Variants in GRIA4 observed in about 807,000 individuals in gnomAD.
GRIA4 encodes glutamate ionotropic receptor AMPA type subunit 4.
Under a neutral mutation model 104.0 loss-of-function variants are expected in GRIA4, and 34 were observed. That is an observed-to-expected ratio of 0.33 (90% CI 0.25 to 0.44). The LOEUF (loss-of-function observed/expected upper bound fraction) is 0.44, where lower values mean the gene tolerates loss of function less well. GRIA4 is among the 20% of genes least tolerant of loss of function. The pLI, the probability that GRIA4 is intolerant of heterozygous loss-of-function variation, is 1.00. For missense variants in GRIA4, 750 were observed against 1,096.5 expected (o/e 0.68, Z 4.46); for synonymous variants, 386 against 381.9 (o/e 1.01, Z -0.13).
At chr11:105,850,414 A>G (rs1384249456) in intron 4 of GRIA4, among the ~76,000 whole-genome samples, 1 of 152,208 alleles carries the variant, frequency 6.6e-6, no homozygotes, top group Non-Finnish European at 1.5e-5. Context: ...AAATAGTCCT[A>G]TGGGGTTTTG....
intron 3 of GRIA4, among the ~76,000 whole-genome samples, chr11:105,749,265 C>T (rs527723892): frequency 5.3e-5 from 8 of 152,184 alleles, no homozygotes; most frequent in Non-Finnish European, 8.8e-5. Flanking sequence ...CTGGAAAATG[C>T]GGAAGCCAGG....
chr11:105,887,442 T>C, intron 5 of GRIA4, 77 bp from the exon 6 acceptor site: 1 of 666,364 alleles, frequency 1.5e-6, no homozygotes, highest in Non-Finnish European at 2.6e-6. Context: ...GGAATTATGC[T>C]AAAATAGATA....
intron 13 of GRIA4, 27 bp from the exon 14 acceptor site, chr11:105,933,695 A>G: frequency 6.7e-7 from 1 of 1,488,528 alleles, no homozygotes; most frequent in African/African-American, 1.4e-5. Context: ...TCTTTCCTGT[A>G]TTTAATTTTA....
intron 4 of GRIA4, among the ~76,000 whole-genome samples, chr11:105,860,719 G>C (rs561828280): frequency 6.6e-6 from 1 of 152,202 alleles, no homozygotes; most frequent in South Asian, 2.1e-4. Context: ...CCAGCACTTT[G>C]GGAGGCTGAG....
chr11:105,634,521 AAAG>A (rs1268739427), intron 3 of GRIA4, among the ~76,000 whole-genome samples: 13,778 of 67,526 alleles, frequency 0.2, 1,071 homozygotes, highest in Non-Finnish European at 0.29. Context: ...AAGAAGAAAG[AAAG>A]AAAGAAAAGA....
intron 3 of GRIA4, among the ~76,000 whole-genome samples, chr11:105,645,403 C>T (rs568295951): frequency 5.3e-5 from 8 of 152,248 alleles, no homozygotes; most frequent in Non-Finnish European, 8.8e-5. Context: ...CCTGCTTATA[C>T]CCTCCTTCAA....
Position 105,747,882 on chromosome 11 carries a change from T to G in GRIA4, c.248-5099T>G, listed in dbSNP as rs779865865. ...TGCTCAATATTAAGCTCAACCAAAA[T>G]GCTCAATATTAAGAAACGAAAAAAC... On this transcript the variant is annotated intron_variant, in intron 3 of 16. Transcript: ENST00000282499. Among the ~76,000 whole-genome samples, 4 of 152,150 alleles carry G rather than the reference T, an allele frequency of 2.6e-5. No individual in the cohort carries two copies. The East Asian group carries it at 7.7e-4, about 29-fold the overall frequency.
intron 5 of GRIA4, among the ~76,000 whole-genome samples, chr11:105,872,166 C>T (rs1410775836): frequency 6.6e-6 from 1 of 152,078 alleles, no homozygotes; most frequent in African/African-American, 2.4e-5. Flanking sequence ...CCTTATTTAA[C>T]CTAGTGTTCT....
At chr11:105,781,625 A>C (rs2135774459) in intron 4 of GRIA4, among the ~76,000 whole-genome samples, 2 of 152,298 alleles carry the variant, frequency 1.3e-5, no homozygotes, top group South Asian at 4.1e-4. Flanking sequence ...TTAAAGAAAA[A>C]AATTTACCTC....
intron 11 of GRIA4, among the ~76,000 whole-genome samples, chr11:105,922,991 C>T (rs117904422): frequency 0.011 from 1,747 of 152,148 alleles, 22 homozygotes; most frequent in Middle Eastern, 0.031. Flanking sequence ...AGTTTATTCC[C>T]TCTTGAAGGC....
At chr11:105,935,917 C>T (rs571211897) in intron 14 of GRIA4, among the ~76,000 whole-genome samples, 1 of 152,320 alleles carries the variant, frequency 6.6e-6, no homozygotes, top group African/African-American at 2.4e-5. Context: ...CCCCTCTTTT[C>T]CTGTCCTTCC....
At chr11:105,680,026 C>T (rs1952659348) in intron 3 of GRIA4, among the ~76,000 whole-genome samples, 1 of 152,100 alleles carries the variant, frequency 6.6e-6, no homozygotes, top group Non-Finnish European at 1.5e-5. Flanking sequence ...TAAATCTCTC[C>T]TTGGTAGTCA....
intron 4 of GRIA4, among the ~76,000 whole-genome samples, chr11:105,856,146 T>C (rs1011930587): frequency 6.6e-6 from 1 of 152,280 alleles, no homozygotes; most frequent in Non-Finnish European, 1.5e-5. Context: ...ACTTCTCACC[T>C]GGATTACTAC....
chr11:105,934,569 TA>T (rs1947977794), intron 14 of GRIA4, among the ~76,000 whole-genome samples: 1 of 152,102 alleles, frequency 6.6e-6, no homozygotes, highest in Non-Finnish European at 1.5e-5. Context: ...CTGCCTATTT[TA>T]AAGGGAGTGT....
chr11:105,705,886 C>T (rs565333159), intron 3 of GRIA4, among the ~76,000 whole-genome samples: 1 of 152,220 alleles, frequency 6.6e-6, no homozygotes, highest in African/African-American at 2.4e-5. Context: ...TTCTATCTAG[C>T]AATGACACTT....
chr11:105,828,164 A>G (rs1463444837), intron 4 of GRIA4, among the ~76,000 whole-genome samples: 2 of 152,038 alleles, frequency 1.3e-5, no homozygotes, highest in East Asian at 1.9e-4. Flanking sequence ...CTGAAGGGGA[A>G]CAGCTCTGGA....
At chr11:105,706,503 A>C (rs1435117014) in intron 3 of GRIA4, 1 of 152,982 alleles carries the variant, frequency 6.5e-6, no homozygotes, top group Non-Finnish European at 1.5e-5. Flanking sequence ...TTCCAAAGTA[A>C]TAGAAGATGG....
intron 3 of GRIA4, among the ~76,000 whole-genome samples, chr11:105,702,690 C>CTTTTTTTTTTTTTTT (rs150923757): frequency 1.0e-5 from 1 of 96,074 alleles, no homozygotes; most frequent in Non-Finnish European, 1.9e-5. Context: ...AATTATTTTC[C>CTTTTTTTTTTTTTTT]TTTCTTTTTT....
intron 4 of GRIA4, among the ~76,000 whole-genome samples, chr11:105,785,711 T>A (rs1406610313): frequency 1.3e-5 from 2 of 152,218 alleles, no homozygotes; most frequent in African/African-American, 4.8e-5. Context: ...ATTTCTAAAC[T>A]GATATTATCT....
Sources: gnomAD v4.1 joint callset for allele counts (sites outside exome capture counted in the v4.1 genomes callset) on GRCh38, gnomAD v4.1.1 for gene constraint, MANE v1.5 for transcripts, NCBI Gene and HGNC (gene_info 2026-07-23, HGNC 2026-07-21) for gene names.